The following PLXNA4 variants were observed in gnomAD, a reference collection of about 807,000 sequenced individuals.
PLXNA4 encodes plexin-A4.
PLXNA4 carries 44 observed loss-of-function variants against 191.8 expected under a neutral mutation model. That is an observed-to-expected ratio of 0.23 (90% CI 0.18 to 0.29). The LOEUF is 0.29. PLXNA4 is among the 10% of genes least tolerant of loss of function. The pLI is 1.00. For missense variants in PLXNA4, 1,800 were observed against 2,488.8 expected, an observed-to-expected ratio of 0.72 and a Z score of 5.89; for synonymous variants, 1,082 against 1,009.5, an observed-to-expected ratio of 1.07 and a Z score of -1.36.
chr7:132,214,142 GGTCA>G (rs373907898), intron 9 of PLXNA4, among the ~76,000 whole-genome samples: 14 of 152,280 alleles, frequency 9.2e-5, no homozygotes, highest in African/African-American at 2.4e-4. Flanking sequence ...AGGATGGGCT[GGTCA>G]GTCAGCAGGG....
intron 1 of PLXNA4, among the ~76,000 whole-genome samples, chr7:132,647,322 C>G (rs1803892871): frequency 2.0e-5 from 3 of 151,946 alleles, no homozygotes; most frequent in Admixed American, 2.0e-4. Context: ...CACCCACATG[C>G]TATCATATAC....
At chr7:132,562,455 TCTCCTC>T (rs142567425) in intron 1 of PLXNA4, among the ~76,000 whole-genome samples, 23 of 89,072 alleles carry the variant, frequency 2.6e-4, no homozygotes, top group East Asian at 8.5e-4. Flanking sequence ...TCCTCCTCCT[TCTCCTC>T]CTCCTCCTTT....
intron 3 of PLXNA4, among the ~76,000 whole-genome samples, chr7:132,388,035 A>G (rs1366062433): frequency 6.6e-6 from 1 of 152,136 alleles, no homozygotes; most frequent in Non-Finnish European, 1.5e-5. Flanking sequence ...CCCACCGACC[A>G]GCAGCCCAGA....
chr7:132,166,570 T>C (rs1796129764), intron 22 of PLXNA4, among the ~76,000 whole-genome samples: 1 of 151,608 alleles, frequency 6.6e-6, no homozygotes, highest in Non-Finnish European at 1.5e-5. Context: ...CCCAAGGTAG[T>C]TGGGAGGCTG....
At chr7:132,573,455 C>A (rs1481154255) in intron 1 of PLXNA4, among the ~76,000 whole-genome samples, 1 of 152,142 alleles carries the variant, frequency 6.6e-6, no homozygotes, top group Non-Finnish European at 1.5e-5. Flanking sequence ...AACTATGAAT[C>A]AAGAGTGGTT....
rs1249884340 is a variant in PLXNA4, at chr7:132,211,162, G to A, written c.2098-19C>T. 1.9e-6 allele frequency: 3 copies of A among 1,549,364 alleles called. No individual in the cohort carries two copies. The highest frequency in any genetic ancestry group is 2.4e-5 in the South Asian group (2 of 84,122). ...GGCAGTCCTGGGGACAGAGGGCATG[G>A]CTCAGGCTGGGCAGCCAGGAAACCA... On this transcript the variant is annotated intron_variant, in intron 9 of 31. Coordinates refer to ENST00000321063, the MANE Select transcript of PLXNA4 (RefSeq NM_020911.2).
Position 132,228,336 on chromosome 7 carries a change from C to A in PLXNA4, c.1728+10G>T, listed in dbSNP as rs768818240. 1 of 1,613,978 alleles carries A rather than the reference C, an allele frequency of 6.2e-7. No individual in the cohort carries two copies. Among genetic ancestry groups the A allele is most frequent in the Non-Finnish European group, 8.5e-7 (1 of 1,179,956 alleles). ...TCCCTGGACCCCACCCCAACCCCCA[C>A]GACCCTTACCAGCACGTTGTACTGA... On this transcript the variant is annotated intron_variant, in intron 6 of 31. Transcript: ENST00000321063.
At chr7:132,607,944 C>A (rs1383886447) in intron 2 of PLXNA4, among the ~76,000 whole-genome samples, 6 of 151,804 alleles carry the variant, frequency 4.0e-5, no homozygotes, top group Non-Finnish European at 8.8e-5. Flanking sequence ...CCGCCATCAT[C>A]CTCATCACTA....
intron 26 of PLXNA4, 139 bp downstream of exon 26, chr7:132,148,404 C>A (rs1418853269): frequency 2.3e-6 from 3 of 1,287,302 alleles, no homozygotes; most frequent in Non-Finnish European, 3.2e-6. Flanking sequence ...CTGGGAGACA[C>A]CAATTTCCTC....
At chr7:132,531,965 A>T (rs751204583) in intron 1 of PLXNA4, among the ~76,000 whole-genome samples, 3 of 152,182 alleles carry the variant, frequency 2.0e-5, no homozygotes, top group Non-Finnish European at 4.4e-5. Flanking sequence ...GGTAACTCAA[A>T]ATCCGACATT....
intron 4 of PLXNA4, among the ~76,000 whole-genome samples, chr7:132,250,813 G>A (rs1017963622): frequency 6.6e-6 from 1 of 152,088 alleles, no homozygotes; most frequent in Non-Finnish European, 1.5e-5. Context: ...GTTGCTGCAG[G>A]GATTTGTCCA....
At chr7:132,303,166 C>T (rs1472858055) in intron 3 of PLXNA4, among the ~76,000 whole-genome samples, 1 of 151,910 alleles carries the variant, frequency 6.6e-6, no homozygotes, top group African/African-American at 2.4e-5. Flanking sequence ...AGCCACCAGG[C>T]CCAGCCTAGA....
At chr7:132,138,462 C>T (rs1030520800) in intron 30 of PLXNA4, among the ~76,000 whole-genome samples, 5 of 152,154 alleles carry the variant, frequency 3.3e-5, no homozygotes, top group Admixed American at 2.0e-4. Flanking sequence ...CAGGCAAGCT[C>T]GGAGGATACC....
At chr7:132,414,383 A>G (rs1794579157) in intron 3 of PLXNA4, among the ~76,000 whole-genome samples, 1 of 152,178 alleles carries the variant, frequency 6.6e-6, no homozygotes. Flanking sequence ...GGGAGAATCC[A>G]TCATGTAACC....
At chr7:132,278,867 CA>C (rs1196541792) in intron 4 of PLXNA4, among the ~76,000 whole-genome samples, 1 of 152,112 alleles carries the variant, frequency 6.6e-6, no homozygotes, top group Non-Finnish European at 1.5e-5. Flanking sequence ...GATTGCAAGG[CA>C]GTTCAGGGGA....
chr7:132,613,738 A>T (rs1030490499), intron 2 of PLXNA4, among the ~76,000 whole-genome samples: 1 of 152,238 alleles, frequency 6.6e-6, no homozygotes, highest in African/African-American at 2.4e-5. Flanking sequence ...TACCTGAAAT[A>T]AAAAAATAAA....
chr7:132,429,809 G>A (rs971042326), intron 3 of PLXNA4, among the ~76,000 whole-genome samples: 2 of 152,102 alleles, frequency 1.3e-5, no homozygotes, highest in African/African-American at 4.8e-5. Flanking sequence ...AAGGCTTGAT[G>A]GTCAGTCTTT....
chr7:132,293,272 G>A (rs1320889308), intron 4 of PLXNA4, among the ~76,000 whole-genome samples: 16 of 152,168 alleles, frequency 1.1e-4, no homozygotes, highest in African/African-American at 3.1e-4. Context: ...AAACATACCT[G>A]AGACTGGGTA....
rs139912350 is a variant in PLXNA4 at position 132,500,368 on chromosome 7, G to A, written c.1188+7138C>T. On this transcript the variant is annotated intron_variant, in intron 2 of 31. Transcript: ENST00000321063. ...TGAGGCAGGAGAATCGCTTGAACCC[G>A]GGAAGCATGGGTTGCAGTGAGCCAA... is the stretch of plus-strand genomic sequence containing the variant. 3.6e-3 allele frequency among the ~76,000 whole-genome samples: 541 copies of A among 152,082 alleles called. 15 individuals carry two copies. Among genetic ancestry groups the A allele is most frequent in the Admixed American group, 0.027 (411 of 15,260 alleles).
Sources: allele counts gnomAD v4.1 joint callset (sites outside exome capture counted in the v4.1 genomes callset), GRCh38; gene constraint gnomAD v4.1.1; transcripts MANE v1.5; gene names NCBI Gene and HGNC (gene_info 2026-07-23, HGNC 2026-07-21).